ANK2: variants seen among roughly 807,000 people sequenced by gnomAD.
ANK2 encodes ankyrin 2.
A neutral mutation model predicts 360.5 loss-of-function variants in ANK2; 83 were observed. The observed-to-expected ratio is 0.23, with a 90% CI of 0.19 to 0.28. The LOEUF (loss-of-function observed/expected upper bound fraction) is 0.28. ANK2 is among the 10% of genes least tolerant of loss of function. The probability of loss-of-function intolerance (pLI) is 1.00; values close to 1 mark genes in which losing one functional copy is unlikely to be tolerated. For synonymous variants in ANK2, 1,740 were observed against 1,759.5 expected (o/e 0.99, Z 0.28); for missense variants, 4,201 against 4,795.7 (o/e 0.88, Z 3.66).
chr4:113,313,808 T>TGGGGGGGTGGGGGGGGGGGGG (rs2081378602), intron 24 of ANK2: 1 of 28,974 alleles, frequency 3.5e-5, no homozygotes, highest in Non-Finnish European at 6.5e-5. Context: ...GGGGGAGCGG[T>TGGGGGGGTGGGGGGGGGGGGG]GGGGGAGTGG....
intron 4 of ANK2, among the ~76,000 whole-genome samples, chr4:113,204,922 A>G (rs1212184950): frequency 1.3e-5 from 2 of 152,188 alleles, no homozygotes; most frequent in African/African-American, 2.4e-5. Context: ...CTGTTCTTCA[A>G]TCAAACAAAA....
intron 1 of ANK2, chr4:112,882,176 C>T (rs934126594): frequency 2.0e-5 from 4 of 198,106 alleles, no homozygotes; most frequent in Admixed American, 1.0e-4. Context: ...GCTTCCTCAG[C>T]GGTATCCACG....
intron 4 of ANK2, among the ~76,000 whole-genome samples, chr4:113,207,063 C>G (rs2098959708): frequency 6.6e-6 from 1 of 152,056 alleles, no homozygotes; most frequent in Admixed American, 6.5e-5. Context: ...ATTCTCTATT[C>G]CAGTAAAAAG....
chr4:112,760,003 A>T, the ANK2 span, among the ~76,000 whole-genome samples: 1 of 152,090 alleles, frequency 6.6e-6, no homozygotes, highest in East Asian at 1.9e-4. Context: ...AGAAACTGAG[A>T]TCTAATGTGG....
the ANK2 span, among the ~76,000 whole-genome samples, chr4:112,777,173 G>C: frequency 3.3e-5 from 5 of 152,026 alleles, no homozygotes; most frequent in Non-Finnish European, 5.9e-5. Context: ...GGCAATATAC[G>C]TATGTAAGGC....
chr4:113,364,055 GTTA>G (rs2096393955), intron 40 of ANK2, among the ~76,000 whole-genome samples: 1 of 152,112 alleles, frequency 6.6e-6, no homozygotes, highest in Admixed American at 6.6e-5. Context: ...CACCATATTT[GTTA>G]TTGTTTGTTT....
At chr4:113,157,223 G>A (rs974901686) in intron 1 of ANK2, among the ~76,000 whole-genome samples, 3 of 152,112 alleles carry the variant, frequency 2.0e-5, no homozygotes, top group Admixed American at 6.5e-5. Context: ...CATTTAAACA[G>A]CAAGTATGGT....
chr4:113,209,192 G>A (rs181788222), intron 4 of ANK2, among the ~76,000 whole-genome samples: 4 of 151,956 alleles, frequency 2.6e-5, no homozygotes, highest in African/African-American at 9.7e-5. Context: ...AGTTATGGGA[G>A]GGGGAGAAGG....
In ANK2 at chr4:113,171,453, C is replaced by A. The variant is rs182470137; in HGVS notation, c.85-2963C>A. ...TATTCATACATAACTTTTAAAACCT[C>A]ATTTTATTTCTGTCTTTGGAATTTA... On this transcript the variant is annotated intron_variant, in intron 1 of 45. Transcript: ENST00000357077. 2.3e-3 allele frequency among the ~76,000 whole-genome samples: 350 copies of A among 152,282 alleles called. 1 individual carries two copies. The highest frequency in any genetic ancestry group is 8.2e-3 in the African/African-American group (339 of 41,546).
At chr4:112,957,902 C>T (rs1380390718) in intron 2 of ANK2, among the ~76,000 whole-genome samples, 1 of 150,936 alleles carries the variant, frequency 6.6e-6, no homozygotes, top group Admixed American at 6.6e-5. Flanking sequence ...AGAGATGCTC[C>T]TCACCTCCCA....
At chr4:113,083,309 A>T (rs150897704) in intron 1 of ANK2, among the ~76,000 whole-genome samples, 1 of 152,184 alleles carries the variant, frequency 6.6e-6, no homozygotes, top group East Asian at 1.9e-4. Flanking sequence ...CTCCCTGAGT[A>T]GCTGGGATTA....
intron 1 of ANK2, among the ~76,000 whole-genome samples, chr4:113,130,171 T>C (rs1037727942): frequency 6.6e-6 from 1 of 152,164 alleles, no homozygotes; most frequent in Admixed American, 6.6e-5. Flanking sequence ...TCACACTTGA[T>C]TGTCTAATAA....
At chr4:113,111,327 T>C (rs11735896) in intron 1 of ANK2, among the ~76,000 whole-genome samples, 29,440 of 152,164 alleles carry the variant, frequency 0.19, 2,924 homozygotes, top group Non-Finnish European at 0.22. Context: ...TAAAATTGTT[T>C]CCCTTGAGAT....
intron 1 of ANK2, among the ~76,000 whole-genome samples, chr4:113,164,712 G>A (rs1344827945): frequency 1.3e-5 from 2 of 152,206 alleles, no homozygotes; most frequent in African/African-American, 4.8e-5. Flanking sequence ...TCACTTGGTT[G>A]GGTTTGTTTT....
chr4:112,726,356 C>T, the ANK2 span, among the ~76,000 whole-genome samples: 2 of 152,186 alleles, frequency 1.3e-5, no homozygotes, highest in East Asian at 3.9e-4. Context: ...GACATAGTGT[C>T]TGTTTGTTTG....
chr4:112,915,646 T>A (rs572490830), intron 2 of ANK2, among the ~76,000 whole-genome samples: 1 of 151,860 alleles, frequency 6.6e-6, no homozygotes, highest in Admixed American at 6.6e-5. Flanking sequence ...TCTCAGCTAT[T>A]TGGAAGGCTG....
At chr4:113,307,711 A>T (rs1326459890) in intron 23 of ANK2, among the ~76,000 whole-genome samples, 1 of 152,092 alleles carries the variant, frequency 6.6e-6, no homozygotes, top group Non-Finnish European at 1.5e-5. Context: ...CCGCCGTTCC[A>T]CTTTAAGTTA....
In ANK2 at chr4:112,851,276, G is replaced by A. The variant is rs1030436169; in HGVS notation, c.-40+33012G>A. Among the ~76,000 whole-genome samples the A allele has an allele frequency of 4.6e-5, 7 of 152,156 alleles. No homozygotes were observed. In the South Asian group the frequency reaches 8.3e-4, roughly 18 times the overall value. ...TTAATAATTGCCATCCAAAGATAAC[G>A]AGGAGAGGAAATCTCAGTGCTTTCC... On this transcript the variant is annotated intron_variant, in intron 1 of 30. Coordinates refer to the ANK2 transcript ENST00000503271.
the ANK2 span, among the ~76,000 whole-genome samples, chr4:112,716,567 T>C: frequency 6.6e-6 from 1 of 152,200 alleles, no homozygotes; most frequent in Non-Finnish European, 1.5e-5. Flanking sequence ...AATAGTCTTT[T>C]TGGTAGAGAT....
Sources: allele counts gnomAD v4.1 joint callset (sites outside exome capture counted in the v4.1 genomes callset), GRCh38; gene constraint gnomAD v4.1.1; transcripts MANE v1.5; gene names NCBI Gene and HGNC (gene_info 2026-07-23, HGNC 2026-07-21).